Variants in CADPS observed in about 807,000 individuals in gnomAD.
CADPS encodes the protein calcium dependent secretion activator.
CADPS carries 57 observed loss-of-function variants against 167.3 expected under a neutral mutation model. That is an observed-to-expected ratio of 0.34 (90% CI 0.28 to 0.42). The LOEUF is 0.42. Ranked by LOEUF, CADPS falls within the 20% of genes least tolerant of loss-of-function variation. The pLI is 1.00. For missense variants in CADPS, 1,414 were observed against 1,738.1 expected, an observed-to-expected ratio of 0.81 and a Z score of 3.32; for synonymous variants, 676 against 635.3, an observed-to-expected ratio of 1.06 and a Z score of -0.96.
intron 17 of CADPS, among the ~76,000 whole-genome samples, chr3:62,507,373 A>G (rs1422916641): frequency 1.3e-5 from 2 of 150,152 alleles, no homozygotes; most frequent in East Asian, 3.9e-4. Context: ...CTTTACTATC[A>G]TCATCAGATT....
chr3:62,617,782 A>G (rs1359074387), intron 6 of CADPS, among the ~76,000 whole-genome samples: 2 of 152,110 alleles, frequency 1.3e-5, no homozygotes, highest in African/African-American at 4.8e-5. Context: ...TGCTGAAGAA[A>G]GGGTAGAAAC....
Position 62,628,136 on chromosome 3 carries a change from G to A in CADPS, c.1325+17586C>T, listed in dbSNP as rs148438598. ...TCTGCTGTGTGACTTGCTCCCGTAAGCATATCCAGATTGGAGAGAAACACT... is the reference window on the plus strand; with the variant it reads ...TCTGCTGTGTGACTTGCTCCCGTAAACATATCCAGATTGGAGAGAAACACT... On this transcript the variant is annotated intron_variant, in intron 6 of 29. Transcript: ENST00000383710. Among the ~76,000 whole-genome samples the A allele has an allele frequency of 7.9e-5, 12 of 152,310 alleles. No homozygotes were observed. In the East Asian group the frequency reaches 2.3e-3, roughly 29 times the overall value.
At chr3:62,431,709 G>T (rs1472278517) in intron 28 of CADPS, among the ~76,000 whole-genome samples, 1 of 151,840 alleles carries the variant, frequency 6.6e-6, no homozygotes, top group African/African-American at 2.4e-5. Flanking sequence ...TCAAATCCTG[G>T]TTTGCACAAA....
intron 6 of CADPS, among the ~76,000 whole-genome samples, chr3:62,628,492 C>A (rs988832303): frequency 1.3e-5 from 2 of 152,024 alleles, no homozygotes; most frequent in Admixed American, 6.6e-5. Flanking sequence ...AAATTAATAA[C>A]CTGCTCTTTT....
chr3:62,591,231 G>C (rs1402718547), intron 7 of CADPS, among the ~76,000 whole-genome samples: 2 of 152,146 alleles, frequency 1.3e-5, no homozygotes, highest in Non-Finnish European at 2.9e-5. Context: ...TTAGGTTTCT[G>C]TCTCCGTGGA....
At chr3:62,759,772 T>G (rs2084933335) in intron 2 of CADPS, among the ~76,000 whole-genome samples, 1 of 152,212 alleles carries the variant, frequency 6.6e-6, no homozygotes, top group Non-Finnish European at 1.5e-5. Context: ...TTTAACCATG[T>G]AAATGCAGAG....
chr3:62,856,959 GAAT>G (rs2079821165), intron 1 of CADPS, among the ~76,000 whole-genome samples: 1 of 151,380 alleles, frequency 6.6e-6, no homozygotes, highest in Non-Finnish European at 1.5e-5. Context: ...TGAAACCCAG[GAAT>G]TATAAAGAGG....
intron 3 of CADPS, among the ~76,000 whole-genome samples, chr3:62,705,621 C>T (rs1328899866): frequency 6.6e-6 from 1 of 152,086 alleles, no homozygotes; most frequent in African/African-American, 2.4e-5. Context: ...ACTAGACTGG[C>T]TTAATCTCCA....
At chr3:62,700,856 T>C (rs546716824) in intron 3 of CADPS, among the ~76,000 whole-genome samples, 3 of 152,252 alleles carry the variant, frequency 2.0e-5, no homozygotes, top group Admixed American at 2.0e-4. Context: ...TACCATAGCC[T>C]GGGTGGCTTA....
At chr3:62,629,246 A>T (rs1377281793) in intron 6 of CADPS, among the ~76,000 whole-genome samples, 1 of 152,042 alleles carries the variant, frequency 6.6e-6, no homozygotes, top group South Asian at 2.1e-4. Context: ...ATAACCAACA[A>T]CCCCAAAAAG....
intron 14 of CADPS, 112 bp from the exon 15 acceptor site, chr3:62,516,755 T>C: frequency 4.2e-6 from 3 of 718,384 alleles, no homozygotes; most frequent in Non-Finnish European, 7.3e-6. Context: ...ATGCTTTTTA[T>C]TTTGTCACGT....
At chr3:62,617,599 T>C (rs1285608926) in intron 6 of CADPS, among the ~76,000 whole-genome samples, 1 of 152,100 alleles carries the variant, frequency 6.6e-6, no homozygotes. Context: ...ATGAGATTTA[T>C]GAAGGTGAAA....
At chr3:62,437,066 T>C (rs1313537180) in intron 28 of CADPS, among the ~76,000 whole-genome samples, 1 of 145,286 alleles carries the variant, frequency 6.9e-6, no homozygotes, top group Non-Finnish European at 1.5e-5. Context: ...AAAAAAAAAA[T>C]AGAAACATGG....
At chr3:62,548,598 G>C (rs1160368038) in intron 11 of CADPS, among the ~76,000 whole-genome samples, 1 of 152,232 alleles carries the variant, frequency 6.6e-6, no homozygotes, top group African/African-American at 2.4e-5. Context: ...CATGGCAGTA[G>C]AATTCACTGA....
At chr3:62,788,621 T>C (rs1020720305) in intron 1 of CADPS, among the ~76,000 whole-genome samples, 1 of 152,156 alleles carries the variant, frequency 6.6e-6, no homozygotes, top group Non-Finnish European at 1.5e-5. Context: ...TTTTAGCTTT[T>C]GATGTGATGA....
intron 3 of CADPS, among the ~76,000 whole-genome samples, chr3:62,691,579 T>C (rs546935306): frequency 6.6e-6 from 1 of 152,000 alleles, no homozygotes; most frequent in South Asian, 2.1e-4. Context: ...AAATAGTGAA[T>C]AAAGAGATAG....
chr3:62,444,229 T>G (rs2056841872), intron 27 of CADPS, among the ~76,000 whole-genome samples: 1 of 152,182 alleles, frequency 6.6e-6, no homozygotes, highest in Non-Finnish European at 1.5e-5. Flanking sequence ...TTTCTATCAC[T>G]GTTGAAGACC....
chr3:62,715,015 A>G (rs953984065), intron 3 of CADPS, among the ~76,000 whole-genome samples: 1 of 152,238 alleles, frequency 6.6e-6, no homozygotes, highest in Non-Finnish European at 1.5e-5. Context: ...AATTTGTTAT[A>G]GGCATCATAA....
intron 1 of CADPS, among the ~76,000 whole-genome samples, chr3:62,767,609 T>A (rs148501505): frequency 6.6e-6 from 1 of 152,170 alleles, no homozygotes; most frequent in Admixed American, 6.5e-5. Flanking sequence ...AGAATTTTGT[T>A]TGTGACACAG....
Sources: gnomAD v4.1 joint callset for allele counts (sites outside exome capture counted in the v4.1 genomes callset) on GRCh38, gnomAD v4.1.1 for gene constraint, MANE v1.5 for transcripts, NCBI Gene and HGNC (gene_info 2026-07-23, HGNC 2026-07-21) for gene names.